Variants in FYCO1 observed in about 807,000 individuals in gnomAD.
FYCO1 encodes the protein FYVE and coiled-coil domain-containing protein 1.
FYCO1 carries 122 observed loss-of-function variants against 165.1 expected under a neutral mutation model. The observed-to-expected ratio is 0.74, with a 90% CI of 0.64 to 0.86. The LOEUF (loss-of-function observed/expected upper bound fraction) is 0.86. Among genes scored for constraint, FYCO1 ranks in the 40% least tolerant of loss-of-function variants. The pLI, the probability that FYCO1 is intolerant of heterozygous loss-of-function variation, is 0.00. For synonymous variants in FYCO1, 648 were observed against 742.5 expected (o/e 0.87, Z 2.07); for missense variants, 1,702 against 1,810.3 (o/e 0.94, Z 1.09).
At chr3:45,963,240 A>G (rs1705801340) in intron 10 of FYCO1, among the ~76,000 whole-genome samples, 1 of 152,098 alleles carries the variant, frequency 6.6e-6, no homozygotes. Flanking sequence ...ACACACACAC[A>G]CCACACACAC....
At chr3:45,969,312 T>C (rs1299925575) in intron 7 of FYCO1, among the ~76,000 whole-genome samples, 2 of 152,208 alleles carry the variant, frequency 1.3e-5, no homozygotes, top group Non-Finnish European at 2.9e-5. Flanking sequence ...TCCTCATTTA[T>C]GAGCTAGAAT....
At position 45,964,732 on chromosome 3, in the gene FYCO1, C is replaced by T. The variant is rs1483946803; in HGVS notation, c.3151-278G>A. ...CAGGATTCACCTGAACAAGTCACTG[C>T]TCTGAAGACTGTGGATCCAGTGCCA... On this transcript the variant is annotated intron_variant, in intron 9 of 17. Transcript: ENST00000296137. The surrounding 1 kb of genome is among the most constrained non-coding windows in gnomAD (Gnocchi z 4.1). Among the ~76,000 whole-genome samples, 3 of 152,188 alleles carry T rather than the reference C, an allele frequency of 2.0e-5. No homozygotes were observed. The East Asian group carries it at 5.8e-4, about 29-fold the overall frequency.
At position 45,968,208 on chromosome 3, in the gene FYCO1, G is replaced by A; in HGVS notation, c.1126C>T (p.Gln376Ter). The A allele has an allele frequency of 6.2e-7, 1 of 1,613,970 alleles. No homozygotes were observed. The highest frequency in any genetic ancestry group is 8.5e-7 in the Non-Finnish European group (1 of 1,180,040). The change falls in exon 8 of 18, where the codon CAG becomes TAG. Residue 376 changes from glutamine (Q) to a stop codon, truncating the protein, a stop_gained. Coordinates refer to ENST00000296137, the MANE Select transcript of FYCO1 (RefSeq NM_024513.4). LOFTEE classifies it high-confidence loss of function. ...ASFPGWLAMA[Q>*]QKADTASDTK... ...TCTGATGCCGTATCTGCCTTCTGCT[G>A]AGCCATGGCTAGCCAGCCTGGGAAG...
At chr3:45,936,719 A>G (rs1460893901) in intron 14 of FYCO1, among the ~76,000 whole-genome samples, 176 bp from the exon 15 acceptor site, 1 of 152,292 alleles carries the variant, frequency 6.6e-6, no homozygotes, top group East Asian at 1.9e-4. Flanking sequence ...GGAGGGCTGC[A>G]GGGGCCAGGG....
rs1403991321 is a variant in FYCO1, at chr3:45,984,993, C to T, written c.-83G>A. 1.0e-5 allele frequency: 14 copies of T among 1,359,704 alleles called. No individual in the cohort carries two copies. The East Asian group carries it at 3.2e-4, about 31-fold the overall frequency. 84.2% of individuals were successfully genotyped at this position (1,359,704 alleles called of 1,614,324 possible). ...AATTTCGGCCCTCGGTGGCTGTCTG[C>T]TCAGCAGTGGTCAGACTCCATGGTG... On this transcript the variant is annotated 5_prime_UTR_variant, in exon 2 of 18. Coordinates refer to ENST00000296137, the MANE Select transcript of FYCO1 (RefSeq NM_024513.4).
chr3:45,975,131 A>G, intron 5 of FYCO1, 108 bp downstream of exon 5: 1 of 826,282 alleles, frequency 1.2e-6, no homozygotes, highest in Non-Finnish European at 2.2e-6. Flanking sequence ...CTGCAGTGTC[A>G]CGGGGGACAC....
At chr3:45,969,369 T>A (rs11130080) in intron 7 of FYCO1, among the ~76,000 whole-genome samples, 55,325 of 152,128 alleles carry the variant, frequency 0.36, 11,902 homozygotes, top group East Asian at 0.66. Context: ...GAAGGTTAAG[T>A]AATTTCCCCT....
intron 2 of FYCO1, among the ~76,000 whole-genome samples, chr3:45,982,075 T>C (rs1707087996): frequency 6.6e-6 from 1 of 152,192 alleles, no homozygotes. Context: ...TACTGCTCAT[T>C]ATAGGTAAGC....
Position 45,966,380 on chromosome 3 carries a change from G to C in FYCO1, c.2954C>G (p.Ala985Gly), listed in dbSNP as rs757380353. 8 of 1,614,018 alleles carry C rather than the reference G, an allele frequency of 5.0e-6. No homozygotes were observed. Among genetic ancestry groups the C allele is most frequent in the Non-Finnish European group, 6.8e-6 (8 of 1,179,902 alleles). The change falls in exon 8 of 18, where the codon GCA (alanine) becomes GGA (glycine). Residue 985 changes from alanine (A) to glycine (G), a missense_variant. By Grantham distance (60) the Ala-to-Gly change is moderately conservative. Coordinates refer to ENST00000296137, the MANE Select transcript of FYCO1 (RefSeq NM_024513.4). ...TTGGAGGCTCTGGGCCCGCTGCTCT[G>C]CCTGGGCGAGCTGGGCCTGCAGGCC... is the stretch of plus-strand genomic sequence containing the variant. ...LPGLQAQLAQ[A>G]EQRAQSLQEA...
intron 1 of FYCO1, among the ~76,000 whole-genome samples, chr3:45,990,657 A>C (rs748108236): frequency 2.0e-5 from 3 of 152,252 alleles, no homozygotes; most frequent in Admixed American, 1.3e-4. Flanking sequence ...CTGCTGAATG[A>C]ATGAATGAAT....
intron 5 of FYCO1, among the ~76,000 whole-genome samples, chr3:45,974,068 C>T (rs1706592750): frequency 6.6e-6 from 1 of 152,080 alleles, no homozygotes; most frequent in African/African-American, 2.4e-5. Flanking sequence ...CAACCCCCTA[C>T]CCCAACCCTT....
At chr3:45,923,957 C>T (rs933650117) in intron 16 of FYCO1, among the ~76,000 whole-genome samples, 192 bp from the exon 17 acceptor site, 15 of 152,188 alleles carry the variant, frequency 9.9e-5, no homozygotes, top group Non-Finnish European at 1.6e-4. Context: ...GTTGATGACT[C>T]GTGGCTATGA....
intron 14 of FYCO1, among the ~76,000 whole-genome samples, chr3:45,939,814 T>C (rs1704117152): frequency 6.6e-6 from 1 of 152,248 alleles, no homozygotes; most frequent in Non-Finnish European, 1.5e-5. Context: ...CAGTAGCCAC[T>C]AGCCATATGT....
At chr3:45,973,376 G>T in intron 5 of FYCO1, 145 bp from the exon 6 acceptor site, 1 of 769,706 alleles carries the variant, frequency 1.3e-6, no homozygotes, top group Non-Finnish European at 2.2e-6. Context: ...TCATTTTCAT[G>T]GTAGAAGAAC....
At chr3:45,958,306 A>G in intron 13 of FYCO1, 102 bp downstream of exon 13, 1 of 1,044,902 alleles carries the variant, frequency 9.6e-7, no homozygotes, top group East Asian at 2.6e-5. Context: ...CTAAGTTTAG[A>G]AAACACTGAA....
chr3:45,930,300 A>G (rs1486160334), intron 16 of FYCO1, among the ~76,000 whole-genome samples: 2 of 152,186 alleles, frequency 1.3e-5, no homozygotes, highest in Non-Finnish European at 2.9e-5. Flanking sequence ...TGCAGGCATC[A>G]AATTCAGACC....
rs1705874306 is a variant in FYCO1, at chr3:45,964,411, T to C, written c.3194A>G (p.Asn1065Ser). 1.9e-6 allele frequency: 3 copies of C among 1,614,094 alleles called. No homozygotes were observed. Among genetic ancestry groups the C allele is most frequent in the Non-Finnish European group, 2.5e-6 (3 of 1,179,960 alleles). Residue 1065 changes from asparagine to serine, a missense_variant, in exon 10 of 18, where the codon AAC becomes AGC. By Grantham distance (46) the Asn-to-Ser change is conservative. Coordinates refer to ENST00000296137, the MANE Select transcript of FYCO1 (RefSeq NM_024513.4). The surrounding 1 kb of genome is among the most constrained non-coding windows in gnomAD (Gnocchi z 4.1). ...GGCCGCCTGGCACTCTGCAAGATGG[T>C]TGCTAGTGCAGCTCAGCTTCTCTCC... The part of the protein sequence containing the change: ...DMGEKLSCTS[N>S]HLAECQAAML...
chr3:45,985,560 G>A (rs981446855), intron 1 of FYCO1, among the ~76,000 whole-genome samples: 8 of 152,222 alleles, frequency 5.3e-5, no homozygotes, highest in Non-Finnish European at 1.0e-4. Flanking sequence ...AAGGAAAGCC[G>A]GGCTTGCCTG....
intron 14 of FYCO1, among the ~76,000 whole-genome samples, chr3:45,939,360 A>G (rs1704082287): frequency 6.6e-6 from 1 of 152,184 alleles, no homozygotes; most frequent in Non-Finnish European, 1.5e-5. Flanking sequence ...GTCAGAATAA[A>G]GTGGTGAGCA....
Sources: allele counts gnomAD v4.1 joint callset (sites outside exome capture counted in the v4.1 genomes callset), GRCh38; gene constraint gnomAD v4.1.1; non-coding constraint Gnocchi (gnomAD v3.1); transcripts MANE v1.5; gene names NCBI Gene and HGNC (gene_info 2026-07-23, HGNC 2026-07-21).